DPP6: variants seen among roughly 807,000 people sequenced by gnomAD.
DPP6 encodes the protein dipeptidyl peptidase like 6.
A neutral mutation model predicts 122.6 loss-of-function variants in DPP6; 69 were observed. The observed-to-expected ratio is 0.56, with a 90% CI of 0.46 to 0.69. The LOEUF (loss-of-function observed/expected upper bound fraction) is 0.69. DPP6 is among the 30% of genes least tolerant of loss of function. The pLI, the probability that DPP6 is intolerant of heterozygous loss-of-function variation, is 0.00. For synonymous variants in DPP6, 418 were observed against 433.1 expected (o/e 0.97, Z 0.43); for missense variants, 928 against 1,116.9 (o/e 0.83, Z 2.41).
the DPP6 span, among the ~76,000 whole-genome samples, chr7:153,761,394 C>A: frequency 2.0e-5 from 3 of 152,172 alleles, no homozygotes; most frequent in African/African-American, 7.2e-5. Flanking sequence ...ATAACTAAGA[C>A]AAACCCATAC....
At chr7:153,749,020 G>A in the DPP6 span, among the ~76,000 whole-genome samples, 1 of 152,154 alleles carries the variant, frequency 6.6e-6, no homozygotes, top group Non-Finnish European at 1.5e-5. This position sits in a 1 kb window ranked among gnomAD's most constrained non-coding sequence, Gnocchi z 4.1. Flanking sequence ...TAAGGGACCA[G>A]CGACGGAGGG....
At chr7:154,785,382 T>C (rs1009901802) in intron 10 of DPP6, among the ~76,000 whole-genome samples, 3 of 152,226 alleles carry the variant, frequency 2.0e-5, no homozygotes, top group Non-Finnish European at 4.4e-5. Flanking sequence ...TAAATGAATT[T>C]TAGTCTTATT....
intron 1 of DPP6, among the ~76,000 whole-genome samples, chr7:154,091,124 A>AT: frequency 6.6e-6 from 1 of 151,890 alleles, no homozygotes; most frequent in Admixed American, 6.6e-5. Flanking sequence ...CCTTCTCAAA[A>AT]AAAAAAAAAA....
rs552345268 is a variant in DPP6 at position 154,863,969 on chromosome 7, G to A, written c.1715-4026G>A. On this transcript the variant is annotated intron_variant, in intron 17 of 25. Transcript: ENST00000377770. The surrounding 1 kb of genome is among the most constrained non-coding windows in gnomAD (Gnocchi z 4.1). ...GCAGCTGCAAGAGCACAGGGAGGGG[G>A]CGAGGTGGGGCAGAGAGGGGTCCTA... Among the ~76,000 whole-genome samples the A allele has an allele frequency of 7.9e-5, 12 of 152,268 alleles. No homozygotes were observed. The South Asian group carries it at 2.3e-3, about 29-fold the overall frequency.
intron 1 of DPP6, among the ~76,000 whole-genome samples, chr7:153,964,330 T>C (rs1795523508): frequency 1.3e-5 from 2 of 152,182 alleles, no homozygotes; most frequent in Non-Finnish European, 2.9e-5. Flanking sequence ...GTTCACCTGC[T>C]CCAGAGTTGT....
At chr7:153,862,011 T>A in the DPP6 span, among the ~76,000 whole-genome samples, 3 of 152,106 alleles carry the variant, frequency 2.0e-5, no homozygotes, top group African/African-American at 7.2e-5. Flanking sequence ...AATATGAAAG[T>A]CCTAAGGACA....
intron 1 of DPP6, among the ~76,000 whole-genome samples, chr7:154,237,964 C>T (rs147724639): frequency 1.8e-4 from 28 of 152,204 alleles, no homozygotes; most frequent in African/African-American, 6.5e-4. Context: ...AGGACACCCT[C>T]TGCCAGCTCG....
intron 3 of DPP6, among the ~76,000 whole-genome samples, chr7:154,505,164 C>A (rs1043555951): frequency 1.3e-5 from 2 of 152,106 alleles, no homozygotes; most frequent in African/African-American, 4.8e-5. Context: ...TGGCAGGATC[C>A]CCTGTAGTCT....
chr7:153,755,231 CAGCACCTGCA>C, the DPP6 span, among the ~76,000 whole-genome samples: 4 of 148,128 alleles, frequency 2.7e-5, no homozygotes, highest in African/African-American at 1.0e-4. Flanking sequence ...GTAGCCCATT[CAGCACCTGCA>C]TGACTCAGGG....
At chr7:154,278,157 G>A (rs1042008253) in intron 1 of DPP6, among the ~76,000 whole-genome samples, 1 of 152,138 alleles carries the variant, frequency 6.6e-6, no homozygotes, top group Admixed American at 6.5e-5. Flanking sequence ...GACAGGGAGC[G>A]TTTTTCACCA....
intron 7 of DPP6, among the ~76,000 whole-genome samples, chr7:154,692,781 CTTTTTT>C (rs200799193): frequency 1.4e-5 from 2 of 141,496 alleles, no homozygotes; most frequent in African/African-American, 5.1e-5. Flanking sequence ...TTCTCTCTCT[CTTTTTT>C]TTTTTTTTTT....
chr7:154,669,082 C>G (rs1838380741), intron 6 of DPP6, among the ~76,000 whole-genome samples: 1 of 152,160 alleles, frequency 6.6e-6, no homozygotes, highest in Admixed American at 6.5e-5. Context: ...AGAAGTTGAT[C>G]CAAAGACCTC....
At chr7:154,221,526 T>C (rs2150829881) in intron 1 of DPP6, among the ~76,000 whole-genome samples, 1 of 152,236 alleles carries the variant, frequency 6.6e-6, no homozygotes, top group African/African-American at 2.4e-5. Flanking sequence ...ATAGCCCCTC[T>C]CCTCCCCACC....
chr7:154,258,680 C>G (rs1388253259), intron 1 of DPP6, among the ~76,000 whole-genome samples: 1 of 152,108 alleles, frequency 6.6e-6, no homozygotes, highest in Non-Finnish European at 1.5e-5. Context: ...CCCTCAGGGC[C>G]CCTGGAACAG....
intron 3 of DPP6, among the ~76,000 whole-genome samples, chr7:154,508,463 G>C (rs1054414547): frequency 5.3e-5 from 8 of 152,282 alleles, no homozygotes; most frequent in Non-Finnish European, 1.0e-4. Flanking sequence ...AGAGAATGGT[G>C]AGGCTGTCAC....
chr7:154,532,885 T>G (rs1397415833), intron 3 of DPP6, among the ~76,000 whole-genome samples: 2 of 152,182 alleles, frequency 1.3e-5, no homozygotes, highest in African/African-American at 4.8e-5. Flanking sequence ...TCCTCCACAC[T>G]TCTCCCCTAA....
intron 7 of DPP6, among the ~76,000 whole-genome samples, chr7:154,709,493 T>C (rs1241352322): frequency 1.3e-5 from 2 of 152,118 alleles, no homozygotes; most frequent in African/African-American, 4.8e-5. Context: ...GTGCTAGGAT[T>C]ACAGGCAGGA....
intron 1 of DPP6, among the ~76,000 whole-genome samples, chr7:154,042,517 C>T (rs915560868): frequency 1.1e-4 from 16 of 152,126 alleles, no homozygotes; most frequent in Admixed American, 8.5e-4. Context: ...GCAGTACAAA[C>T]GTAGGATTAT....
At chr7:153,843,453 C>T in the DPP6 span, among the ~76,000 whole-genome samples, 76 of 152,130 alleles carry the variant, frequency 5.0e-4, 1 homozygote, top group Admixed American at 4.9e-3. Flanking sequence ...TCTTTGTTCC[C>T]AGGTGGATCG....
Sources: gnomAD v4.1 joint callset for allele counts (sites outside exome capture counted in the v4.1 genomes callset) on GRCh38, gnomAD v4.1.1 for gene constraint, Gnocchi (gnomAD v3.1) non-coding constraint, MANE v1.5 for transcripts, NCBI Gene and HGNC (gene_info 2026-07-23, HGNC 2026-07-21) for gene names.